Variants in TTN observed in about 807,000 individuals in gnomAD.
TTN encodes the protein connectin.
A neutral mutation model predicts 3,223.0 loss-of-function variants in TTN; 1,525 were observed. That is an observed-to-expected ratio of 0.47 (90% CI 0.45 to 0.49). TTN has a LOEUF of 0.49. Among genes scored for constraint, TTN ranks in the 20% least tolerant of loss-of-function variants. The pLI is 0.00. For missense variants in TTN, 40,786 were observed against 43,424.0 expected (o/e 0.94, Z 5.40); for synonymous variants, 14,094 against 15,161.0 (o/e 0.93, Z 5.17).
At position 178,565,309 on chromosome 2, in the gene TTN, T is replaced by C. The variant is rs764878081; in HGVS notation, c.80823A>G (p.Glu26941=). The change falls in exon 326 of 363, where the codon GAA becomes GAG. Residue 26941 remains glutamate, a synonymous_variant. Coordinates refer to ENST00000589042, the MANE Select transcript of TTN (RefSeq NM_001267550.2). ...TATSTVLHIK[E]GNKDDFGKYT... ...ATTTTCCAAAGTCATCTTTGTTACC[T>C]TCTTTAATGTGCAAAACAGTTGAGG... The C allele has an allele frequency of 1.9e-5, 31 of 1,613,554 alleles. No individual in the cohort carries two copies.
chr2:178,754,144 A>G (rs1290325236), intron 46 of TTN: 11 of 152,140 alleles, frequency 7.2e-5, no homozygotes, highest in Non-Finnish European at 1.5e-4. Flanking sequence ...AAACTTATAT[A>G]TGATATGTTT....
Position 178,540,300 on chromosome 2 carries a change from A to T in TTN, c.97866T>A (p.Ser32622Arg). ...TTRTSVSLAW[S>R]VPEDEGGSKV... is the part of the protein sequence containing the mutation. ...TAGATCCTCCTTCATCTTCTGGAAC[A>T]CTCCAGGCCAGGGAGACTGATGTCC... Residue 32622 changes from serine (S) to arginine (R), a missense_variant, in exon 351 of 363, where the codon AGT (serine) becomes AGA (arginine). By Grantham distance (110) the Ser-to-Arg change is moderately radical. Coordinates refer to ENST00000589042, the MANE Select transcript of TTN (RefSeq NM_001267550.2). 6.2e-7 allele frequency: 1 copy of T among 1,613,594 alleles called. No homozygotes were observed.
At chr2:178,665,858 G>T in intron 163 of TTN, 67 bp from the exon 164 acceptor site, 1 of 764,926 alleles carries the variant, frequency 1.3e-6, no homozygotes, top group Non-Finnish European at 1.8e-6. Flanking sequence ...CATCTTAACT[G>T]CACATACAGA....
At chr2:178,676,095 G>T in intron 147 of TTN, 100 bp from the exon 148 acceptor site, 2 of 1,087,302 alleles carry the variant, frequency 1.8e-6, no homozygotes, top group Non-Finnish European at 2.6e-6. Context: ...GTTAACAGTC[G>T]CTCAAGACAG....
Position 178,561,649 on chromosome 2 carries a change from A to G in TTN, c.84483T>C (p.Pro28161=). The change falls in exon 326 of 363, where the codon CCT becomes CCC. Residue 28161 remains proline, a synonymous_variant. Transcript: ENST00000589042. ...PFSPPGPPGT[P]KVVHATKSTM... Reference sequence around the variant, plus strand: ...TAGATTTTGTGGCATGCACAACTTTAGGAGTACCAGGAGGACCTGGGGGAC... The same window carrying G: ...TAGATTTTGTGGCATGCACAACTTTGGGAGTACCAGGAGGACCTGGGGGAC... The G allele has an allele frequency of 6.2e-7, 1 of 1,608,094 alleles. No individual in the cohort carries two copies. The highest frequency in any genetic ancestry group is 8.5e-7 in the Non-Finnish European group (1 of 1,176,612).
intron 209 of TTN, 93 bp downstream of exon 209, chr2:178,650,658 C>G: frequency 1.7e-6 from 2 of 1,194,624 alleles, no homozygotes; most frequent in African/African-American, 1.6e-5. Context: ...AGAAAATGAC[C>G]AAGAAATAAT....
At chr2:178,720,806 G>T in intron 79 of TTN, 115 bp downstream of exon 79, 2 of 1,390,828 alleles carry the variant, frequency 1.4e-6, no homozygotes, top group South Asian at 1.6e-5. Flanking sequence ...ATTAAAACTT[G>T]TTGAAGAATT....
chr2:178,555,930 C>T (rs1376153501), intron 330 of TTN: 1 of 152,238 alleles, frequency 6.6e-6, no homozygotes, highest in Admixed American at 6.5e-5. Context: ...GAAGAATACG[C>T]ATTTTGGACT....
intron 34 of TTN, 200 bp from the exon 35 acceptor site, chr2:178,770,875 A>C (rs916261329): frequency 1.2e-6 from 1 of 845,786 alleles, no homozygotes; most frequent in Non-Finnish European, 2.0e-6. Context: ...ACATCGTGAA[A>C]TGATTTTTCT....
Position 178,710,820 on chromosome 2 carries a change from A to G in TTN, c.28277T>C (p.Ile9426Thr). 3.1e-6 allele frequency: 5 copies of G among 1,613,722 alleles called. No individual in the cohort carries two copies. Among genetic ancestry groups the G allele is most frequent in the Non-Finnish European group, 3.4e-6 (4 of 1,179,794 alleles). ...FECHVTGTQP[I>T]KVSWAKDSRE... ...GCTGTCTTTGGCCCAGCTGACCTTT[A>G]TCGGTTGTGTGCCCGTGACGTGGCA... is the stretch of plus-strand genomic sequence containing the variant. Residue 9426 changes from isoleucine (I) to threonine (T), a missense_variant, in exon 98 of 363, where the codon ATA becomes ACA. By Grantham distance (89) the Ile-to-Thr change is moderately conservative. Transcript: ENST00000589042.
At position 178,725,505 on chromosome 2, in the gene TTN, T is replaced by C. The variant is rs1389235832; in HGVS notation, c.20699A>G (p.Asn6900Ser). 6.2e-7 allele frequency: 1 copy of C among 1,613,380 alleles called. No individual in the cohort carries two copies. Among genetic ancestry groups the C allele is most frequent in the Non-Finnish European group, 8.5e-7 (1 of 1,179,538 alleles). ...ATTTTCCACAAATGTAATCCTGATG[T>C]TTTCACTTTCTCTAATCACTTCTTC... is the stretch of plus-strand genomic sequence containing the variant. Reference protein sequence around the residue: ...EKEEVIRESENIRITFVENVA... With the variant: ...EKEEVIRESESIRITFVENVA... The change falls in exon 71 of 363, where the codon AAC becomes AGC. Residue 6900 changes from asparagine (N) to serine (S), a missense_variant. Transcript: ENST00000589042.
At position 178,773,331 on chromosome 2, in the gene TTN, T is replaced by A. The variant is rs761827668; in HGVS notation, c.7633A>T (p.Thr2545Ser). The A allele has an allele frequency of 6.2e-7, 1 of 1,614,000 alleles. No homozygotes were observed. The highest frequency in any genetic ancestry group is 1.1e-5 in the South Asian group (1 of 91,076). ...IIRGLRDLTC[T>S]ETQNVVFEVE... ...TCAAACACCACATTTTGAGTTTCTG[T>A]ACAGGTAAGGTCACGAAGACCTCTG... is the stretch of plus-strand genomic sequence containing the variant. Residue 2545 changes from threonine (T) to serine (S), a missense_variant, in exon 33 of 363, where the codon ACA (threonine) becomes TCA (serine). Transcript: ENST00000589042.
Position 178,612,402 on chromosome 2 carries a change from G to C in TTN, c.50123C>G (p.Thr16708Ser). The C allele has an allele frequency of 1.2e-6, 2 of 1,612,510 alleles. No individual in the cohort carries two copies. Among genetic ancestry groups the C allele is most frequent in the Non-Finnish European group, 1.7e-6 (2 of 1,179,190 alleles). The change falls in exon 266 of 363, where the codon ACC becomes AGC. Residue 16708 changes from threonine (T) to serine (S), a missense_variant. Physicochemically the swap from Thr to Ser is moderately conservative, Grantham distance 58. Coordinates refer to ENST00000589042, the MANE Select transcript of TTN (RefSeq NM_001267550.2). ...AGTCAGTGGGGTGACTGTGCACTTG[G>C]TGTCCTTGACAGTGGTATCCACTGT... ...WQTVDTTVKD[T>S]KCTVTPLTEG...
intron 118 of TTN, 43 bp from the exon 119 acceptor site, chr2:178,693,732 G>A (rs1272940490): frequency 1.4e-6 from 2 of 1,437,644 alleles, no homozygotes; most frequent in Admixed American, 4.0e-5. Flanking sequence ...GCCATGTTGT[G>A]GGTGGTAATT....
rs749759581 is a variant in TTN at position 178,799,532 on chromosome 2, G to T, written c.869C>A (p.Pro290His). ...TGCCCGCACGTGTCTGACCGGGGAA[G>T]GGGAGTGTCTTATGGGCGATGGGGA... is the stretch of plus-strand genomic sequence containing the variant. ...QQSPSPIRHS[P>H]SPVRHVRAPT... is the part of the protein sequence containing the mutation. The change falls in exon 6 of 363, where the codon CCT becomes CAT. Residue 290 changes from proline to histidine, a missense_variant. By Grantham distance (77) the Pro-to-His change is moderately conservative. Coordinates refer to ENST00000589042, the MANE Select transcript of TTN (RefSeq NM_001267550.2). 2 of 1,614,104 alleles carry T rather than the reference G, an allele frequency of 1.2e-6. No homozygotes were observed. The highest frequency in any genetic ancestry group is 1.3e-5 in the African/African-American group (1 of 74,950).
chr2:178,588,285 C>T (rs1205836648), intron 304 of TTN, 66 bp from the exon 305 acceptor site: 2 of 1,397,304 alleles, frequency 1.4e-6, no homozygotes, highest in Non-Finnish European at 1.9e-6. Flanking sequence ...TTTTATATAG[C>T]CTATTCTCAG....
At chr2:178,774,640 T>C in intron 29 of TTN, 167 bp from the exon 30 acceptor site, 1 of 701,378 alleles carries the variant, frequency 1.4e-6, no homozygotes, top group East Asian at 2.8e-5. Context: ...TAAGAAGCAG[T>C]TATTTTATTT....
intron 262 of TTN, 28 bp downstream of exon 262, chr2:178,614,019 CTTTTT>C: frequency 6.8e-7 from 1 of 1,468,174 alleles, no homozygotes; most frequent in Non-Finnish European, 9.3e-7. Flanking sequence ...CATAAGCATC[CTTTTT>C]TTTTTATCAG....
intron 49 of TTN, among the ~76,000 whole-genome samples, chr2:178,736,477 TAAG>T (rs2081462691): frequency 6.6e-6 from 1 of 152,214 alleles, no homozygotes; most frequent in Non-Finnish European, 1.5e-5. Context: ...TATTAAGTGA[TAAG>T]AAGATTGAAG....
Sources: gnomAD v4.1 joint callset for allele counts (sites outside exome capture counted in the v4.1 genomes callset) on GRCh38, gnomAD v4.1.1 for gene constraint, MANE v1.5 for transcripts, NCBI Gene and HGNC (gene_info 2026-07-23, HGNC 2026-07-21) for gene names.